SMIM1: variants seen among roughly 807,000 people sequenced by gnomAD.
SMIM1 encodes small integral membrane protein 1 (Vel blood group), also known as small integral membrane protein 1.
A neutral mutation model predicts 7.7 loss-of-function variants in SMIM1; 7 were observed. That is an observed-to-expected ratio of 0.91 (90% CI 0.52 to 1.71). The LOEUF (loss-of-function observed/expected upper bound fraction) is 1.71. SMIM1 is among the 40% of genes most tolerant of loss of function. SMIM1 has a pLI of 0.00. For synonymous variants in SMIM1, 41 were observed against 42.7 expected, an observed-to-expected ratio of 0.96 and a Z score of 0.16; for missense variants, 95 against 102.8, an observed-to-expected ratio of 0.92 and a Z score of 0.33.
In SMIM1 at chr1:3,772,807, G is replaced by C. The variant is rs1157864271; in HGVS notation, c.-195+19G>C. 1 of 152,468 alleles carries C rather than the reference G, an allele frequency of 6.6e-6. No individual in the cohort carries two copies. The highest frequency in any genetic ancestry group is 2.4e-5 in the African/African-American group (1 of 41,438). The allele number at this position is 152,468 out of a possible 1,614,324, so 9.4% of individuals were successfully genotyped here. ...GACACAGGTGAGGCGCGCGGGGTCC[G>C]GGCTGCGGCTTCCCGGTGCGGCCGC... On this transcript the variant is annotated intron_variant, in intron 1 of 3. Transcript: ENST00000642557.
In SMIM1 at chr1:3,775,824, TG is replaced by T. The variant is rs1270917757; in HGVS notation, c.143del (p.Gly48AlafsTer4). On this transcript the variant is annotated frameshift_variant, in exon 4 of 4. Transcript: ENST00000642557. LOFTEE classifies it high-confidence loss of function. The surrounding 1 kb of genome is among the most constrained non-coding windows in gnomAD (Gnocchi z 5.3). ...TCCCAGAGGCTGTGCACGGGCAAGC[TG>T]GGCATCGCCATGAAGGTGCTGGGCG... The part of the protein sequence containing the change: ...RISQRLCTGK[L>X]GIAMKVLGGV... The T allele has an allele frequency of 5.8e-6, 9 of 1,550,750 alleles. No individual in the cohort carries two copies. Among genetic ancestry groups the T allele is most frequent in the Non-Finnish European group, 7.8e-6 (9 of 1,146,914 alleles).
Position 3,775,392 on chromosome 1 carries a change from C to A in SMIM1, c.19C>A (p.His7Asn). ...CCACAGCATGCAGCCCCAGGAGAGC[C>A]ACGTCCACTATAGTAGGTGGGAGGA... MQPQES[H>N]VHYSRWEDGS... The change falls in exon 3 of 4, where the codon CAC (histidine) becomes AAC (asparagine). Residue 7 changes from histidine to asparagine, a missense_variant. Transcript: ENST00000642557. The surrounding 1 kb of genome is among the most constrained non-coding windows in gnomAD (Gnocchi z 5.3). 6.5e-7 allele frequency: 1 copy of A among 1,550,304 alleles called. No individual in the cohort carries two copies. The highest frequency in any genetic ancestry group is 8.7e-7 in the Non-Finnish European group (1 of 1,146,700).
At chr1:3,773,342 C>T (rs1278337185) in intron 2 of SMIM1, among the ~76,000 whole-genome samples, 161 bp downstream of exon 2, 1 of 152,242 alleles carries the variant, frequency 6.6e-6, no homozygotes, top group African/African-American at 2.4e-5. Context: ...GCCGCCACAC[C>T]TGTGACCATC....
At chr1:3,774,906 A>C (rs1181893) in intron 2 of SMIM1, among the ~76,000 whole-genome samples, 147,681 of 151,626 alleles carry the variant, frequency 0.97, 72,015 homozygotes, top group African/African-American at 0.99. Flanking sequence ...CAGAGGCCAG[A>C]AGGCGCCTTA....
intron 2 of SMIM1, 42 bp downstream of exon 2, chr1:3,773,223 A>G (rs1643407683): frequency 6.6e-6 from 1 of 152,264 alleles, no homozygotes; most frequent in Non-Finnish European, 1.5e-5. Flanking sequence ...GAAGAGGTCT[A>G]TGGAGGGGCG....
Position 3,775,436 on chromosome 1 carries a change from C to A in SMIM1, c.63C>A (p.Val21=). The A allele has an allele frequency of 6.6e-7, 1 of 1,512,148 alleles. No homozygotes were observed. The highest frequency in any genetic ancestry group is 1.2e-5 in the South Asian group (1 of 83,640). 93.7% of individuals were successfully genotyped at this position (1,512,148 alleles called of 1,614,324 possible). A position where few individuals can be genotyped will look rare whatever the true frequency, so the allele number is the denominator to read the frequency against. The change falls in exon 3 of 4, where the codon GTC becomes GTA. Residue 21 remains valine, a synonymous_variant. Coordinates refer to ENST00000642557, the MANE Select transcript of SMIM1 (RefSeq NM_001288583.2). The surrounding 1 kb of genome is among the most constrained non-coding windows in gnomAD (Gnocchi z 5.3). ...GGGAGGACGGCAGCAGGGACGGAGT[C>A]AGCCTAGGGGCTGTGTCCAGCACAG... ...SRWEDGSRDG[V]SLGAVSSTEE... is the part of the protein sequence containing the mutation.
intron 2 of SMIM1, among the ~76,000 whole-genome samples, chr1:3,774,057 G>C (rs890848946): frequency 6.6e-6 from 1 of 150,920 alleles, no homozygotes; most frequent in Non-Finnish European, 1.5e-5. Flanking sequence ...GGGAGTCTCA[G>C]AACTGCCTGG....
chr1:3,775,572 C>T lies in SMIM1; in HGVS notation c.110+89C>T. 1.5e-6 allele frequency: 2 copies of T among 1,306,530 alleles called. No individual in the cohort carries two copies. Among genetic ancestry groups the T allele is most frequent in the Non-Finnish European group, 2.1e-6 (2 of 956,804 alleles). 80.9% of individuals were successfully genotyped at this position (1,306,530 alleles called of 1,614,324 possible). The stretch of plus-strand genomic sequence containing the variant: ...CCCTAACCCCTGCTACCGGCCCCAT[C>T]ACCCTCCACCCCATCCTGGCTGGGA... On this transcript the variant is annotated intron_variant, in intron 3 of 3. Transcript: ENST00000642557. The surrounding 1 kb of genome is among the most constrained non-coding windows in gnomAD (Gnocchi z 5.3).
rs1343353235 is a variant in SMIM1 at position 3,775,025 on chromosome 1, C to CACCGGG, written c.-75-273_-75-268dup. Among the ~76,000 whole-genome samples the CACCGGG allele has an allele frequency of 2.6e-5, 4 of 152,128 alleles. No homozygotes were observed. The highest frequency in any genetic ancestry group is 9.7e-5 in the African/African-American group (4 of 41,422). ...GGCTGTGCAGGCTCCCTGATAAAAG[C>CACCGGG]ACCGGGGAAGGGAGGCTCCTGGAGT... On this transcript the variant is annotated intron_variant, in intron 2 of 3. Coordinates refer to ENST00000642557, the MANE Select transcript of SMIM1 (RefSeq NM_001288583.2). This position sits in a 1 kb window ranked among gnomAD's most constrained non-coding sequence, Gnocchi z 5.3.
At chr1:3,773,033 C>G (rs958695386) in intron 1 of SMIM1, 30 bp from the exon 2 acceptor site, 1 of 152,268 alleles carries the variant, frequency 6.6e-6, no homozygotes, top group Non-Finnish European at 1.5e-5. Context: ...TTAGCAAGAT[C>G]GGCTTCTCCG....
rs191041962 is a variant in SMIM1, at chr1:3,774,918, C to T, written c.-75-381C>T. Among the ~76,000 whole-genome samples, 26 of 146,676 alleles carry T rather than the reference C, an allele frequency of 1.8e-4. No homozygotes were observed. In the East Asian group the frequency reaches 3.5e-3, roughly 20 times the overall value. On this transcript the variant is annotated intron_variant, in intron 2 of 3. Coordinates refer to ENST00000642557, the MANE Select transcript of SMIM1 (RefSeq NM_001288583.2). ...CCCCAGAGGCCAGAAGGCGCCTTAT[C>T]GGGCAGGGTTAAGGAGGGGGACAGT...
At chr1:3,774,867 C>CCACG (rs1193104896) in intron 2 of SMIM1, among the ~76,000 whole-genome samples, 4 of 142,486 alleles carry the variant, frequency 2.8e-5, no homozygotes, top group Admixed American at 6.7e-5. Flanking sequence ...CTGCCCTGCC[C>CCACG]CACCCCCCCC....
chr1:3,775,844 C>G lies in SMIM1; in HGVS notation c.160C>G (p.Leu54Val), dbSNP rs1248415461. The change falls in exon 4 of 4, where the codon CTG becomes GTG. Residue 54 changes from leucine (L) to valine (V), a missense_variant. Leu to Val is a conservative substitution (Grantham distance 32). Transcript: ENST00000642557. The surrounding 1 kb of genome is among the most constrained non-coding windows in gnomAD (Gnocchi z 5.3). Reference sequence around the variant, plus strand: ...CAAGCTGGGCATCGCCATGAAGGTGCTGGGCGGCGTGGCCCTCTTCTGGAT... The same window carrying G: ...CAAGCTGGGCATCGCCATGAAGGTGGTGGGCGGCGTGGCCCTCTTCTGGAT... ...TGKLGIAMKV[L>V]GGVALFWIIF... 1.3e-6 allele frequency: 2 copies of G among 1,550,866 alleles called. No homozygotes were observed. Among genetic ancestry groups the G allele is most frequent in the Non-Finnish European group, 1.7e-6 (2 of 1,146,946 alleles).
rs989166688 is a variant in SMIM1, at chr1:3,775,564, G to A, written c.110+81G>A. ...GACGCCTGCCCTAACCCCTGCTACC[G>A]GCCCCATCACCCTCCACCCCATCCT... On this transcript the variant is annotated intron_variant, in intron 3 of 3. Coordinates refer to ENST00000642557, the MANE Select transcript of SMIM1 (RefSeq NM_001288583.2). This position sits in a 1 kb window ranked among gnomAD's most constrained non-coding sequence, Gnocchi z 5.3. 5.2e-5 allele frequency: 70 copies of A among 1,349,912 alleles called. No homozygotes were observed. In the East Asian group the frequency reaches 1.3e-3, roughly 25 times the overall value. The allele number at this position is 1,349,912 out of a possible 1,614,324, so 83.6% of individuals were successfully genotyped here.
chr1:3,774,355 C>G (rs1438213052), intron 2 of SMIM1, among the ~76,000 whole-genome samples: 1 of 152,142 alleles, frequency 6.6e-6, no homozygotes, highest in Non-Finnish European at 1.5e-5. Flanking sequence ...TCCACCCCCA[C>G]ACCCCCTTAG....
chr1:3,775,326 G>C lies in SMIM1; in HGVS notation c.-48G>C. 1 of 1,450,442 alleles carries C rather than the reference G, an allele frequency of 6.9e-7. No individual in the cohort carries two copies. Among genetic ancestry groups the C allele is most frequent in the Non-Finnish European group, 9.3e-7 (1 of 1,070,516 alleles). 89.8% of individuals were successfully genotyped at this position (1,450,442 alleles called of 1,614,324 possible). ...AAGCCACAGCCTGGCCACCTGTCTT[G>C]ATCTCCCCACCGAGAAGGCCCCGCC... On this transcript the variant is annotated 5_prime_UTR_variant, in exon 3 of 4. Coordinates refer to ENST00000642557, the MANE Select transcript of SMIM1 (RefSeq NM_001288583.2). This position sits in a 1 kb window ranked among gnomAD's most constrained non-coding sequence, Gnocchi z 5.3.
In SMIM1 at chr1:3,775,583, C is replaced by A; in HGVS notation, c.110+100C>A. The A allele has an allele frequency of 7.7e-7, 1 of 1,299,158 alleles. No homozygotes were observed. Among genetic ancestry groups the A allele is most frequent in the Non-Finnish European group, 1.0e-6 (1 of 954,298 alleles). 80.5% of individuals were successfully genotyped at this position (1,299,158 alleles called of 1,614,324 possible). ...GCTACCGGCCCCATCACCCTCCACCCCATCCTGGCTGGGAGCCCACGGTCC... is the reference window on the plus strand; with the variant it reads ...GCTACCGGCCCCATCACCCTCCACCACATCCTGGCTGGGAGCCCACGGTCC... On this transcript the variant is annotated intron_variant, in intron 3 of 3. Coordinates refer to ENST00000642557, the MANE Select transcript of SMIM1 (RefSeq NM_001288583.2). This position sits in a 1 kb window ranked among gnomAD's most constrained non-coding sequence, Gnocchi z 5.3.
In SMIM1 at chr1:3,775,590, G is replaced by C; in HGVS notation, c.110+107G>C. On this transcript the variant is annotated intron_variant, in intron 3 of 3. Coordinates refer to ENST00000642557, the MANE Select transcript of SMIM1 (RefSeq NM_001288583.2). This position sits in a 1 kb window ranked among gnomAD's most constrained non-coding sequence, Gnocchi z 5.3. ...GCCCCATCACCCTCCACCCCATCCT[G>C]GCTGGGAGCCCACGGTCCAGCAGCT... The C allele has an allele frequency of 7.7e-7, 1 of 1,293,222 alleles. No homozygotes were observed. Among genetic ancestry groups the C allele is most frequent in the Non-Finnish European group, 1.1e-6 (1 of 952,156 alleles). The allele number at this position is 1,293,222 out of a possible 1,614,324, so 80.1% of individuals were successfully genotyped here.
At position 3,773,767 on chromosome 1, in the gene SMIM1, C is replaced by T. The variant is rs560674103; in HGVS notation, c.-76+586C>T. Among the ~76,000 whole-genome samples the T allele has an allele frequency of 2.0e-5, 3 of 152,346 alleles. 1 individual carries two copies. The South Asian group carries it at 6.2e-4, about 32-fold the overall frequency. On this transcript the variant is annotated intron_variant, in intron 2 of 3. Coordinates refer to ENST00000642557, the MANE Select transcript of SMIM1 (RefSeq NM_001288583.2). ...GCAGGGGTGGTGGTATTAAGCTTGT[C>T]TTACCCGGGTCATGGCTGTTACCTG...
Sources: allele counts gnomAD v4.1 joint callset (sites outside exome capture counted in the v4.1 genomes callset), GRCh38; gene constraint gnomAD v4.1.1; non-coding constraint Gnocchi (gnomAD v3.1); transcripts MANE v1.5; gene names NCBI Gene and HGNC (gene_info 2026-07-23, HGNC 2026-07-21).